Variants in EPHB1 observed in about 807,000 individuals in gnomAD.
EPHB1 encodes the protein EPH receptor B1, also known as ephrin type-B receptor 1.
A neutral mutation model predicts 94.4 loss-of-function variants in EPHB1; 30 were observed. The ratio of observed to expected loss-of-function variants is 0.32; its 90% CI spans 0.24 to 0.43. The LOEUF (loss-of-function observed/expected upper bound fraction) is 0.43, where lower values mean the gene tolerates loss of function less well. Ranked by LOEUF, EPHB1 falls within the 20% of genes least tolerant of loss-of-function variation. EPHB1 has a pLI of 1.00. For missense variants in EPHB1, 1,055 were observed against 1,308.3 expected (o/e 0.81, Z 2.99); for synonymous variants, 522 against 489.1 (o/e 1.07, Z -0.89).
At chr3:134,880,269 C>G (rs1018055192) in intron 1 of EPHB1, among the ~76,000 whole-genome samples, 1 of 152,270 alleles carries the variant, frequency 6.6e-6, no homozygotes, top group East Asian at 1.9e-4. Flanking sequence ...GCTGCTTTGC[C>G]CTGGGAGATC....
intron 5 of EPHB1, among the ~76,000 whole-genome samples, chr3:135,138,126 A>G (rs1055174109): frequency 1.3e-5 from 2 of 152,196 alleles, no homozygotes; most frequent in African/African-American, 4.8e-5. Context: ...TATATCTGAC[A>G]TTTATATTAC....
chr3:135,150,843 C>T (rs1941170218), intron 5 of EPHB1, among the ~76,000 whole-genome samples: 1 of 152,214 alleles, frequency 6.6e-6, no homozygotes, highest in African/African-American at 2.4e-5. Context: ...TCAGCATCTG[C>T]TCTGGGACAC....
At chr3:134,934,571 T>G (rs2038964302) in intron 2 of EPHB1, among the ~76,000 whole-genome samples, 1 of 152,188 alleles carries the variant, frequency 6.6e-6, no homozygotes, top group Non-Finnish European at 1.5e-5. Context: ...TATGGGCATG[T>G]GTATGCATTT....
chr3:134,981,293 C>T (rs192190807), intron 3 of EPHB1, among the ~76,000 whole-genome samples: 293 of 152,302 alleles, frequency 1.9e-3, no homozygotes, highest in Non-Finnish European at 3.5e-3. Flanking sequence ...AACAAAAACT[C>T]CCCAACTCTT....
chr3:135,050,337 C>T (rs548254424), intron 3 of EPHB1, among the ~76,000 whole-genome samples: 1 of 152,208 alleles, frequency 6.6e-6, no homozygotes, highest in East Asian at 1.9e-4. Context: ...ATCCCCATGC[C>T]CCAAATGGTA....
intron 3 of EPHB1, among the ~76,000 whole-genome samples, chr3:135,080,843 G>A (rs564523756): frequency 1.3e-5 from 2 of 152,138 alleles, no homozygotes; most frequent in Admixed American, 6.5e-5. Flanking sequence ...AGCCCTTAGC[G>A]CAGTGCCCAC....
At chr3:135,171,616 C>CA (rs1314945905) in intron 9 of EPHB1, among the ~76,000 whole-genome samples, 1 of 152,038 alleles carries the variant, frequency 6.6e-6, no homozygotes, top group Non-Finnish European at 1.5e-5. Flanking sequence ...TAGGTTAAAA[C>CA]AAAAATAAAG....
intron 3 of EPHB1, among the ~76,000 whole-genome samples, chr3:135,001,478 A>G (rs895496053): frequency 2.0e-5 from 3 of 152,144 alleles, no homozygotes; most frequent in Non-Finnish European, 2.9e-5. Flanking sequence ...CACACTCAGG[A>G]CTTTAAAAGA....
intron 2 of EPHB1, among the ~76,000 whole-genome samples, chr3:134,935,017 C>T (rs913532321): frequency 3.9e-5 from 6 of 152,194 alleles, no homozygotes; most frequent in African/African-American, 7.2e-5. Context: ...CACTACACCC[C>T]TTGTCCCAGT....
chr3:135,060,593 G>A (rs1197910431), intron 3 of EPHB1, among the ~76,000 whole-genome samples: 1 of 152,094 alleles, frequency 6.6e-6, no homozygotes, highest in Non-Finnish European at 1.5e-5. Context: ...AGTATTTGAA[G>A]CATTATCAGA....
At chr3:134,837,984 C>T (rs2036705698) in intron 1 of EPHB1, among the ~76,000 whole-genome samples, 1 of 152,040 alleles carries the variant, frequency 6.6e-6, no homozygotes, top group African/African-American at 2.4e-5. Flanking sequence ...TATGAATAGG[C>T]AGGGGGTGAG....
At chr3:135,233,517 G>A (rs1025248604) in intron 12 of EPHB1, among the ~76,000 whole-genome samples, 3 of 152,216 alleles carry the variant, frequency 2.0e-5, no homozygotes, top group African/African-American at 7.2e-5. Flanking sequence ...GGCCTTGAGT[G>A]TCTGCAGCTC....
chr3:135,031,873 C>T (rs1936485332), intron 3 of EPHB1, among the ~76,000 whole-genome samples: 1 of 151,920 alleles, frequency 6.6e-6, no homozygotes, highest in Admixed American at 6.6e-5. Context: ...GGTATGATGT[C>T]TAAGTTAAAA....
intron 1 of EPHB1, among the ~76,000 whole-genome samples, chr3:134,833,463 G>C (rs2036614660): frequency 6.6e-6 from 1 of 152,238 alleles, no homozygotes; most frequent in Admixed American, 6.5e-5. Flanking sequence ...TTTATGGCGT[G>C]ATTGGTTCAG....
intron 3 of EPHB1, among the ~76,000 whole-genome samples, chr3:135,064,164 TTA>T (rs61624170): frequency 0.039 from 5,945 of 152,240 alleles, 161 homozygotes; most frequent in East Asian, 0.14. Flanking sequence ...TCTTATTTGG[TTA>T]TGTCCTTTCT....
At chr3:135,030,309 A>G (rs1936386200) in intron 3 of EPHB1, among the ~76,000 whole-genome samples, 1 of 152,136 alleles carries the variant, frequency 6.6e-6, no homozygotes, top group Non-Finnish European at 1.5e-5. Context: ...TCTGCTTTTT[A>G]GAGTTTCCAT....
At chr3:134,994,431 A>T (rs1934922375) in intron 3 of EPHB1, among the ~76,000 whole-genome samples, 1 of 152,144 alleles carries the variant, frequency 6.6e-6, no homozygotes, top group Admixed American at 6.5e-5. Context: ...ATCTTCTGTC[A>T]TCCCGTGCCT....
At chr3:135,089,433 T>C (rs1416614718) in intron 3 of EPHB1, among the ~76,000 whole-genome samples, 1 of 152,262 alleles carries the variant, frequency 6.6e-6, no homozygotes, top group Non-Finnish European at 1.5e-5. Context: ...GTTGCTCTTA[T>C]TAATAAAACA....
chr3:134,970,689 A>G (rs1578241425), intron 3 of EPHB1, among the ~76,000 whole-genome samples: 2 of 152,280 alleles, frequency 1.3e-5, no homozygotes, highest in Admixed American at 1.3e-4. Context: ...GGAGTCCCCT[A>G]GGCCACACGG....
Sources: gnomAD v4.1 joint callset for allele counts (sites outside exome capture counted in the v4.1 genomes callset) on GRCh38, gnomAD v4.1.1 for gene constraint, MANE v1.5 for transcripts, NCBI Gene and HGNC (gene_info 2026-07-23, HGNC 2026-07-21) for gene names.